The following PEBP4 variants were observed in gnomAD, a reference collection of about 807,000 sequenced individuals.
PEBP4 encodes the protein phosphatidylethanolamine-binding protein 4.
Under a neutral mutation model 23.9 loss-of-function variants are expected in PEBP4, and 22 were observed. The ratio of observed to expected loss-of-function variants is 0.92; its 90% CI spans 0.66 to 1.31. The LOEUF is 1.31. Ranked by LOEUF, PEBP4 falls within the 40% of genes most tolerant of loss-of-function variation. The pLI, the probability that PEBP4 is intolerant of heterozygous loss-of-function variation, is 0.00. For synonymous variants in PEBP4, 112 were observed against 99.3 expected, an observed-to-expected ratio of 1.13 and a Z score of -0.76; for missense variants, 324 against 281.7, an observed-to-expected ratio of 1.15 and a Z score of -1.07.
intron 4 of PEBP4, among the ~76,000 whole-genome samples, chr8:22,777,129 C>T (rs555880207): frequency 5.2e-4 from 79 of 152,164 alleles, no homozygotes; most frequent in Non-Finnish European, 9.7e-4. Context: ...GAAAGACATT[C>T]AGCACTGATC....
intron 3 of PEBP4, among the ~76,000 whole-genome samples, chr8:22,850,555 G>A (rs1451675209): frequency 6.6e-6 from 1 of 150,990 alleles, no homozygotes; most frequent in Non-Finnish European, 1.5e-5. Flanking sequence ...TCCATGGCAA[G>A]CGTGTGTGTG....
upstream of PEBP4, among the ~76,000 whole-genome samples, chr8:22,931,504 C>T (rs1017904460): frequency 6.6e-6 from 1 of 152,216 alleles, no homozygotes; most frequent in African/African-American, 2.4e-5. Flanking sequence ...AGCCTCCCTT[C>T]CCATGACCAC....
At chr8:22,822,130 G>T (rs1489967840) in intron 3 of PEBP4, among the ~76,000 whole-genome samples, 1 of 152,152 alleles carries the variant, frequency 6.6e-6, no homozygotes, top group Non-Finnish European at 1.5e-5. Flanking sequence ...GCCACAAAGT[G>T]ATTGTTGGTT....
At chr8:22,818,888 A>G (rs1806800548) in intron 3 of PEBP4, among the ~76,000 whole-genome samples, 2 of 152,104 alleles carry the variant, frequency 1.3e-5, no homozygotes, top group Non-Finnish European at 2.9e-5. Flanking sequence ...AGGGGGATGG[A>G]GAAAGAGAAA....
rs116029367 is a variant in PEBP4, at chr8:22,863,485, G to T, written c.259-45750C>A. On this transcript the variant is annotated intron_variant, in intron 3 of 6. Coordinates refer to ENST00000256404, the MANE Select transcript of PEBP4 (RefSeq NM_144962.3). ...CGTTTTCTGATTTATGGTGAAGGGCGTGGAGGGAGGGTTAGCTTCTGGCTG... is the reference window on the plus strand; with the variant it reads ...CGTTTTCTGATTTATGGTGAAGGGCTTGGAGGGAGGGTTAGCTTCTGGCTG... 5.1e-3 allele frequency among the ~76,000 whole-genome samples: 778 copies of T among 152,290 alleles called. 6 individuals are homozygous for T. Among genetic ancestry groups the T allele is most frequent in the African/African-American group, 0.018 (744 of 41,550 alleles).
rs551383561 is a variant in PEBP4, at chr8:22,826,621, C to T, written c.259-8886G>A. On this transcript the variant is annotated intron_variant, in intron 3 of 6. Coordinates refer to ENST00000256404, the MANE Select transcript of PEBP4 (RefSeq NM_144962.3). The stretch of plus-strand genomic sequence containing the variant: ...CTAAGATCTGATATGAAAAGCTCTC[C>T]AGGATAACTTTAGTGTAAAAAGCAA... Among the ~76,000 whole-genome samples the T allele has an allele frequency of 1.8e-4, 27 of 152,286 alleles. No homozygotes were observed. In the South Asian group the frequency reaches 5.2e-3, roughly 29 times the overall value.
chr8:22,812,181 C>T (rs965807234), intron 4 of PEBP4, among the ~76,000 whole-genome samples: 4 of 152,198 alleles, frequency 2.6e-5, no homozygotes, highest in Admixed American at 2.0e-4. Flanking sequence ...TCAAACAACT[C>T]GCTCAGCAGT....
intron 4 of PEBP4, among the ~76,000 whole-genome samples, chr8:22,746,587 C>T (rs1805124191): frequency 6.6e-6 from 1 of 151,920 alleles, no homozygotes; most frequent in African/African-American, 2.4e-5. Flanking sequence ...CCGCCTCTCC[C>T]CCTCCCCTCC....
chr8:22,809,810 A>G (rs1585284951), intron 4 of PEBP4, among the ~76,000 whole-genome samples: 1 of 152,066 alleles, frequency 6.6e-6, no homozygotes, highest in East Asian at 1.9e-4. Context: ...TGTTCTATGG[A>G]TATGAGCTAC....
At chr8:22,940,805 A>C (rs1809603070) in intron 1 of PEBP4, among the ~76,000 whole-genome samples, 1 of 152,090 alleles carries the variant, frequency 6.6e-6, no homozygotes, top group Non-Finnish European at 1.5e-5. Context: ...ACGAATTTCT[A>C]ATAGCTCCCT....
chr8:22,780,874 A>G (rs1252317477), intron 4 of PEBP4, among the ~76,000 whole-genome samples: 2 of 152,208 alleles, frequency 1.3e-5, no homozygotes, highest in African/African-American at 4.8e-5. Flanking sequence ...GAGTGCTCCC[A>G]CGTGTTGCCC....
At chr8:22,918,922 T>G (rs1809136880) in intron 3 of PEBP4, among the ~76,000 whole-genome samples, 1 of 119,954 alleles carries the variant, frequency 8.3e-6, no homozygotes, top group African/African-American at 2.9e-5. Context: ...CATGCAAGTG[T>G]GTGTGTGCAC....
At chr8:22,855,000 G>A (rs1469473745) in intron 3 of PEBP4, among the ~76,000 whole-genome samples, 3 of 73,700 alleles carry the variant, frequency 4.1e-5, no homozygotes, top group African/African-American at 1.3e-4. Context: ...GAGTATGCAC[G>A]CACACACACA....
chr8:22,732,689 C>T (rs1804764851), intron 4 of PEBP4, among the ~76,000 whole-genome samples: 1 of 151,336 alleles, frequency 6.6e-6, no homozygotes, highest in Admixed American at 6.6e-5. Flanking sequence ...TATGTGCATG[C>T]ATGTGCACAT....
intron 4 of PEBP4, among the ~76,000 whole-genome samples, chr8:22,787,896 T>C (rs1806058276): frequency 6.6e-6 from 1 of 152,000 alleles, no homozygotes; most frequent in African/African-American, 2.4e-5. Flanking sequence ...TCTGGGCAGA[T>C]GAAGGGGTCG....
At chr8:22,749,118 G>A (rs1585251954) in intron 4 of PEBP4, among the ~76,000 whole-genome samples, 2 of 152,188 alleles carry the variant, frequency 1.3e-5, no homozygotes, top group Non-Finnish European at 2.9e-5. Flanking sequence ...TCTGCTTCAG[G>A]GCTCTTGTTT....
intron 1 of PEBP4, among the ~76,000 whole-genome samples, chr8:22,935,383 T>A (rs954224842): frequency 2.6e-5 from 4 of 152,150 alleles, no homozygotes; most frequent in African/African-American, 9.7e-5. Flanking sequence ...TAGCTGGGCA[T>A]GGTGGCAGGC....
intron 4 of PEBP4, among the ~76,000 whole-genome samples, chr8:22,805,271 C>T (rs1350513037): frequency 1.3e-5 from 2 of 152,206 alleles, no homozygotes; most frequent in East Asian, 3.8e-4. Context: ...CTAATGTAAA[C>T]TATGGACTTT....
intron 3 of PEBP4, among the ~76,000 whole-genome samples, chr8:22,912,785 G>A (rs1808970207): frequency 1.3e-5 from 2 of 152,222 alleles, no homozygotes; most frequent in South Asian, 4.1e-4. Flanking sequence ...CCTGGCTGGG[G>A]ACCTGGGCTA....
Sources: allele counts gnomAD v4.1 joint callset (sites outside exome capture counted in the v4.1 genomes callset), GRCh38; gene constraint gnomAD v4.1.1; transcripts MANE v1.5; gene names NCBI Gene and HGNC (gene_info 2026-07-23, HGNC 2026-07-21).